PTPRD: variants seen among roughly 807,000 people sequenced by gnomAD.
PTPRD encodes protein tyrosine phosphatase receptor type D, also known as receptor-type tyrosine-protein phosphatase delta.
In PTPRD, 34 loss-of-function variants were observed where a neutral mutation model predicts 214.5. The observed-to-expected ratio is 0.16, with a 90% CI of 0.12 to 0.21. PTPRD has a LOEUF of 0.21. Among genes scored for constraint, PTPRD ranks in the 10% least tolerant of loss-of-function variants. PTPRD has a pLI of 1.00. For synonymous variants in PTPRD, 1,128 were observed against 845.7 expected (o/e 1.33, Z -5.79); for missense variants, 2,545 against 2,398.7 (o/e 1.06, Z -1.27).
At position 9,969,487 on chromosome 9, in the gene PTPRD, C is replaced by T. The variant is rs77115087; in HGVS notation, c.-471-30877G>A. Reference sequence around the variant, plus strand: ...CTCAGGTATGCAGAAATGCAACTTACTCAACCTCTGCTTTTAATGGAGTTT... The same window carrying T: ...CTCAGGTATGCAGAAATGCAACTTATTCAACCTCTGCTTTTAATGGAGTTT... On this transcript the variant is annotated intron_variant, in intron 4 of 45. Coordinates refer to ENST00000381196, the MANE Select transcript of PTPRD (RefSeq NM_002839.4). 4.6e-3 allele frequency among the ~76,000 whole-genome samples: 707 copies of T among 152,306 alleles called. 9 individuals carry two copies. Among genetic ancestry groups the T allele is most frequent in the African/African-American group, 0.016 (673 of 41,562 alleles).
intron 23 of PTPRD, among the ~76,000 whole-genome samples, chr9:8,503,984 T>C (rs1295150413): frequency 6.6e-6 from 1 of 152,242 alleles, no homozygotes; most frequent in Non-Finnish European, 1.5e-5. Flanking sequence ...CAGGGCTTGA[T>C]CTAACTCCTT....
chr9:8,351,795 A>G (rs1384839092), intron 39 of PTPRD, among the ~76,000 whole-genome samples: 1 of 149,776 alleles, frequency 6.7e-6, no homozygotes, highest in Non-Finnish European at 1.5e-5. Flanking sequence ...GAGATGACCC[A>G]GAGCCATGAT....
chr9:8,375,055 T>G (rs958104974), intron 39 of PTPRD, among the ~76,000 whole-genome samples: 1 of 151,936 alleles, frequency 6.6e-6, no homozygotes, highest in Non-Finnish European at 1.5e-5. Context: ...CAGACTTCTA[T>G]TTTACTTATC....
intron 2 of PTPRD, among the ~76,000 whole-genome samples, chr9:10,449,500 A>G (rs1043113286): frequency 7.0e-6 from 1 of 143,148 alleles, no homozygotes; most frequent in African/African-American, 2.9e-5. Flanking sequence ...CTGGCTGCCC[A>G]TCGTCTGGGA....
At chr9:10,389,721 T>C (rs1310771563) in intron 2 of PTPRD, among the ~76,000 whole-genome samples, 1 of 151,862 alleles carries the variant, frequency 6.6e-6, no homozygotes, top group Non-Finnish European at 1.5e-5. Flanking sequence ...CCACTCATCA[T>C]TGACTCCACC....
At chr9:8,788,526 C>G (rs1441980376) in intron 11 of PTPRD, among the ~76,000 whole-genome samples, 1 of 152,044 alleles carries the variant, frequency 6.6e-6, no homozygotes, top group Non-Finnish European at 1.5e-5. Flanking sequence ...CTGCCCACCT[C>G]AGCCTCCCAA....
intron 2 of PTPRD, among the ~76,000 whole-genome samples, chr9:10,546,124 T>A (rs1022600974): frequency 6.6e-6 from 1 of 152,144 alleles, no homozygotes; most frequent in African/African-American, 2.4e-5. Context: ...AACATTACTC[T>A]ATTAGTGAGG....
At chr9:9,957,961 G>A (rs990634783) in intron 4 of PTPRD, among the ~76,000 whole-genome samples, 22 of 152,164 alleles carry the variant, frequency 1.4e-4, no homozygotes, top group African/African-American at 5.1e-4. Context: ...AAAAGCAAGG[G>A]CAATTCAATG....
intron 10 of PTPRD, among the ~76,000 whole-genome samples, chr9:9,130,180 G>C (rs1401121454): frequency 6.6e-6 from 1 of 152,108 alleles, no homozygotes; most frequent in African/African-American, 2.4e-5. Context: ...GGTAATTTCA[G>C]AATAATGAGT....
intron 5 of PTPRD, among the ~76,000 whole-genome samples, chr9:9,860,074 A>G (rs2062391059): frequency 6.6e-6 from 1 of 152,234 alleles, no homozygotes; most frequent in African/African-American, 2.4e-5. Context: ...TATGCACACA[A>G]TGAATAAAGT....
Position 8,342,771 on chromosome 9 carries a change from A to AGAT in PTPRD, c.4662-796_4662-794dup, listed in dbSNP as rs1485983641. The stretch of plus-strand genomic sequence containing the variant: ...AAGTGAAATAGGGGATACGACATAA[A>AGAT]GATGACTTAGATGCTATCTCTAAAG... On this transcript the variant is annotated intron_variant, in intron 39 of 45. Coordinates refer to ENST00000381196, the MANE Select transcript of PTPRD (RefSeq NM_002839.4). 2.2e-4 allele frequency among the ~76,000 whole-genome samples: 34 copies of AGAT among 152,264 alleles called. No individual in the cohort carries two copies. The Middle Eastern group carries it at 0.02, about 91-fold the overall frequency.
chr9:8,340,517 T>A lies in PTPRD; in HGVS notation c.5127-48A>T, dbSNP rs200406396. ...AATGTGTTAAAGTATTTAGAGAACATGCAAAAGCTCACACTGGATACATAA... is the reference window on the plus strand; with the variant it reads ...AATGTGTTAAAGTATTTAGAGAACAAGCAAAAGCTCACACTGGATACATAA... On this transcript the variant is annotated intron_variant, in intron 41 of 45. Transcript: ENST00000381196. The A allele has an allele frequency of 8.8e-6, 13 of 1,483,924 alleles. No individual in the cohort carries two copies. In the African/African-American group the frequency reaches 1.1e-4, roughly 12 times the overall value. 91.9% of individuals were successfully genotyped at this position (1,483,924 alleles called of 1,614,324 possible).
chr9:9,773,890 T>G (rs1374285102), intron 5 of PTPRD, among the ~76,000 whole-genome samples: 1 of 152,180 alleles, frequency 6.6e-6, no homozygotes, highest in African/African-American at 2.4e-5. Flanking sequence ...TATCTCTGAG[T>G]TGTGATTTTC....
At chr9:8,948,458 TATATATTTAC>T (rs1211765913) in intron 11 of PTPRD, among the ~76,000 whole-genome samples, 362 of 13,794 alleles carry the variant, frequency 0.026, 78 homozygotes, top group Non-Finnish European at 0.052. Flanking sequence ...TATATTTATA[TATATATTTAC>T]ATATATATAT....
At chr9:9,646,354 T>C (rs1343116397) in intron 7 of PTPRD, among the ~76,000 whole-genome samples, 1 of 150,942 alleles carries the variant, frequency 6.6e-6, no homozygotes, top group African/African-American at 2.5e-5. Flanking sequence ...GGTGTGTGTG[T>C]GTGTGTGTAT....
At chr9:9,939,237 C>A (rs556149184) in intron 4 of PTPRD, among the ~76,000 whole-genome samples, 1 of 152,152 alleles carries the variant, frequency 6.6e-6, no homozygotes, top group Non-Finnish European at 1.5e-5. Context: ...TAGAGCAGGG[C>A]TCCTGTATGA....
intron 9 of PTPRD, among the ~76,000 whole-genome samples, chr9:9,337,143 C>T (rs544373868): frequency 2.5e-4 from 38 of 152,226 alleles, no homozygotes; most frequent in African/African-American, 8.9e-4. Flanking sequence ...AAGAGGAATG[C>T]TTTCTGAGAA....
intron 11 of PTPRD, among the ~76,000 whole-genome samples, chr9:8,880,955 C>G (rs2098440861): frequency 6.6e-6 from 1 of 152,000 alleles, no homozygotes; most frequent in Non-Finnish European, 1.5e-5. Flanking sequence ...TTTGTAGAGA[C>G]AGGGTTTCGC....
At chr9:8,968,461 A>G (rs2154329383) in intron 11 of PTPRD, among the ~76,000 whole-genome samples, 1 of 151,838 alleles carries the variant, frequency 6.6e-6, no homozygotes, top group African/African-American at 2.4e-5. Flanking sequence ...CTGGTGTGAG[A>G]TGGTATCTCA....
Sources: gnomAD v4.1 joint callset for allele counts (sites outside exome capture counted in the v4.1 genomes callset) on GRCh38, gnomAD v4.1.1 for gene constraint, MANE v1.5 for transcripts, NCBI Gene and HGNC (gene_info 2026-07-23, HGNC 2026-07-21) for gene names.